The following SEPTIN6 variants were observed in gnomAD, a reference collection of about 807,000 sequenced individuals.
The protein encoded by SEPTIN6 is septin-6.
A neutral mutation model predicts 33.6 loss-of-function variants in SEPTIN6; 8 were observed. The observed-to-expected ratio is 0.24, with a 90% CI of 0.14 to 0.43. The LOEUF is 0.43. SEPTIN6 is among the 20% of genes least tolerant of loss of function. SEPTIN6 has a pLI of 1.00. For synonymous variants in SEPTIN6, 131 were observed against 140.0 expected (o/e 0.94, Z 0.45); for missense variants, 250 against 340.8 (o/e 0.73, Z 2.10).
At position 119,674,259 on chromosome X, in the gene SEPTIN6, T is replaced by C. The variant is rs376808177; in HGVS notation, c.145+1295A>G. Among the ~76,000 whole-genome samples the C allele has an allele frequency of 4.5e-5, 5 of 110,176 alleles. No individual in the cohort carries two copies. The Admixed American group carries it at 4.8e-4, about 11-fold the overall frequency. ...CGCGATCTGAGCTCACTGGAAGCTC[T>C]GCCTCCCAGGTTCACGCCATTCTCC... On this transcript the variant is annotated intron_variant, in intron 2 of 10. Coordinates refer to ENST00000394610, the MANE Select transcript of SEPTIN6 (RefSeq NM_145799.4).
chrX:119,686,568 G>A, intron 1 of SEPTIN6: 6 of 957,083 alleles, frequency 6.3e-6, no homozygotes, highest in Middle Eastern at 6.0e-4. Flanking sequence ...ACCCTCCTGA[G>A]CATGTGGCCT....
intron 2 of SEPTIN6, among the ~76,000 whole-genome samples, chrX:119,664,353 C>A (rs924082849): frequency 3.6e-5 from 4 of 111,101 alleles, no homozygotes; most frequent in Non-Finnish European, 7.5e-5. Context: ...ATAGCTATGC[C>A]TAGAAAAAAA....
intron 2 of SEPTIN6, among the ~76,000 whole-genome samples, chrX:119,665,922 A>C (rs1367597740): frequency 9.1e-6 from 1 of 110,201 alleles, no homozygotes. Context: ...TCTACTAAAA[A>C]AATACAAAAA....
intron 5 of SEPTIN6, 86 bp from the exon 6 acceptor site, chrX:119,640,874 C>T (rs9780607): frequency 0.032 from 23,040 of 712,191 alleles, 578 homozygotes; most frequent in African/African-American, 0.15. Context: ...GTCTCTGGGG[C>T]CCCAGGCCCT....
Position 119,618,241 on chromosome X carries a change from T to C in SEPTIN6, c.*1852A>G. 1.2e-6 allele frequency: 1 copy of C among 802,766 alleles called. No homozygotes were observed. Among genetic ancestry groups the C allele is most frequent in the Non-Finnish European group, 1.5e-6 (1 of 670,206 alleles). 66.2% of individuals were successfully genotyped at this position (802,766 alleles called of 1,213,427 possible). A position where few individuals can be genotyped will look rare whatever the true frequency, so the allele number is the denominator to read the frequency against. Reference sequence around the variant, plus strand: ...TGGTCTTCAAAAAAATACTCCACTGTAACTTGAATTTTCCCAAGAAACTGG... The same window carrying C: ...TGGTCTTCAAAAAAATACTCCACTGCAACTTGAATTTTCCCAAGAAACTGG... On this transcript the variant is annotated 3_prime_UTR_variant, in exon 11 of 11. Transcript: ENST00000394610.
rs745458590 is a variant in SEPTIN6 at position 119,629,421 on chromosome X, C to T, written c.1177G>A (p.Val393Met). 3 of 1,211,477 alleles carry T rather than the reference C, an allele frequency of 2.5e-6. No homozygotes were observed. Among genetic ancestry groups the T allele is most frequent in the South Asian group, 1.8e-5 (1 of 57,001 alleles). ...GTCTTTCTTTGCTTGAAAGCATTCA[C>T]TTCATCATCCAGGGATTTCTTCTTA... Reference protein sequence around the residue: ...EDKKKSLDDEVNAFKQRKTAA... With the variant: ...EDKKKSLDDEMNAFKQRKTAA... The change falls in exon 9 of 11, where the codon GTG becomes ATG. Residue 393 changes from valine (V) to methionine (M), a missense_variant. Physicochemically the swap from Val to Met is conservative, Grantham distance 21. This residue lies in a region of SEPTIN6 where 139 missense variants were observed against 227.0 expected (regional missense o/e 0.61). Coordinates refer to ENST00000394610, the MANE Select transcript of SEPTIN6 (RefSeq NM_145799.4).
At position 119,673,841 on chromosome X, in the gene SEPTIN6, CAA is replaced by C. The variant is rs774954935; in HGVS notation, c.145+1711_145+1712del. Among the ~76,000 whole-genome samples the C allele has an allele frequency of 8.8e-3, 334 of 38,124 alleles. 2 individuals are homozygous for C. Among genetic ancestry groups the C allele is most frequent in the African/African-American group, 0.033 (290 of 8,678 alleles). The allele number at this position is 38,124 out of a possible 115,157, so 33.1% of individuals were successfully genotyped here. The stretch of plus-strand genomic sequence containing the variant: ...TGGGTGACAGCACAAGACTCTGTCT[CAA>C]AAAAAAAAAAAAAAAAAAGAAAGAA... On this transcript the variant is annotated intron_variant, in intron 2 of 10. Coordinates refer to ENST00000394610, the MANE Select transcript of SEPTIN6 (RefSeq NM_145799.4).
At chrX:119,688,508 A>C (rs1488275315) in intron 1 of SEPTIN6, among the ~76,000 whole-genome samples, 2 of 110,818 alleles carry the variant, frequency 1.8e-5, no homozygotes, top group African/African-American at 6.6e-5. Context: ...GGAGTTCGAG[A>C]CCAGCCTGGC....
chrX:119,619,081 A>G lies in SEPTIN6; in HGVS notation c.*1012T>C, dbSNP rs2053708547. On this transcript the variant is annotated 3_prime_UTR_variant, in exon 11 of 11. Coordinates refer to ENST00000394610, the MANE Select transcript of SEPTIN6 (RefSeq NM_145799.4). ...CTTCTTATTGGGGGATGCATGCAAA[A>G]TGCATGTTAAAAATCATCATGACAT... is the stretch of plus-strand genomic sequence containing the variant. The G allele has an allele frequency of 1.1e-6, 1 of 916,103 alleles. No individual in the cohort carries two copies. Among genetic ancestry groups the G allele is most frequent in the East Asian group, 4.7e-5 (1 of 21,484 alleles). 75.5% of individuals were successfully genotyped at this position (916,103 alleles called of 1,213,427 possible). A position where few individuals can be genotyped will look rare whatever the true frequency, so the allele number is the denominator to read the frequency against.
At chrX:119,681,452 G>A (rs2054958260) in intron 1 of SEPTIN6, among the ~76,000 whole-genome samples, 1 of 110,988 alleles carries the variant, frequency 9.0e-6, no homozygotes, top group Non-Finnish European at 1.9e-5. Context: ...TGCTGGAATG[G>A]CCAAAGTCAC....
intron 5 of SEPTIN6, among the ~76,000 whole-genome samples, chrX:119,647,776 C>T (rs2054288094): frequency 9.2e-6 from 1 of 108,327 alleles, no homozygotes; most frequent in Non-Finnish European, 1.9e-5. Context: ...GCCTCAGCCT[C>T]CTGAGTAGCT....
At chrX:119,623,621 T>C (rs2053804586) in intron 10 of SEPTIN6, among the ~76,000 whole-genome samples, 1 of 112,302 alleles carries the variant, frequency 8.9e-6, no homozygotes, top group African/African-American at 3.2e-5. Flanking sequence ...GCAGATCACC[T>C]GAGGTCAGGA....
At chrX:119,645,739 C>T (rs1478956201) in intron 5 of SEPTIN6, among the ~76,000 whole-genome samples, 1 of 110,987 alleles carries the variant, frequency 9.0e-6, no homozygotes, top group Non-Finnish European at 1.9e-5. Flanking sequence ...ACCATGTTGG[C>T]CAGGATGGTC....
At chrX:119,667,167 G>A (rs1603346022) in intron 2 of SEPTIN6, among the ~76,000 whole-genome samples, 1 of 110,029 alleles carries the variant, frequency 9.1e-6, no homozygotes, top group African/African-American at 3.3e-5. Flanking sequence ...GGGAGTGGGG[G>A]TCCTGTTTCC....
chrX:119,623,434 TTGA>T (rs1398204387), intron 10 of SEPTIN6, among the ~76,000 whole-genome samples: 2 of 112,211 alleles, frequency 1.8e-5, no homozygotes, highest in Non-Finnish European at 3.8e-5. Context: ...TCTGTAGTAA[TTGA>T]TGAAACAAGA....
Position 119,640,168 on chromosome X carries a change from C to CT in SEPTIN6, c.787+523dup, listed in dbSNP as rs57021804. Among the ~76,000 whole-genome samples, 85 of 20,173 alleles carry CT rather than the reference C, an allele frequency of 4.2e-3. 2 individuals carry two copies. The highest frequency in any genetic ancestry group is 0.01 in the African/African-American group (43 of 4,252). 17.5% of individuals were successfully genotyped at this position (20,173 alleles called of 115,157 possible). ...CCCTCCCACCCTCCCACTATCCAGT[C>CT]TTTTTTTTTTTTTTTTTTTTTTTTG... On this transcript the variant is annotated intron_variant, in intron 6 of 10. Coordinates refer to ENST00000394610, the MANE Select transcript of SEPTIN6 (RefSeq NM_145799.4).
chrX:119,619,792 G>T lies in SEPTIN6; in HGVS notation c.*301C>A. On this transcript the variant is annotated 3_prime_UTR_variant, in exon 11 of 11. Transcript: ENST00000394610. ...CATGTCACACCTCTGGCAAAGATGT[G>T]GGGGAAGACAGGGGGGATGGCTGGG... The T allele has an allele frequency of 3.9e-6, 4 of 1,033,569 alleles. No homozygotes were observed. Among genetic ancestry groups the T allele is most frequent in the Non-Finnish European group, 5.0e-6 (4 of 806,983 alleles). 85.2% of individuals were successfully genotyped at this position (1,033,569 alleles called of 1,213,427 possible). A position where few individuals can be genotyped will look rare whatever the true frequency, so the allele number is the denominator to read the frequency against.
At chrX:119,691,754 C>CT (rs1228965542) in intron 1 of SEPTIN6, among the ~76,000 whole-genome samples, 19 of 110,856 alleles carry the variant, frequency 1.7e-4, no homozygotes, top group African/African-American at 4.3e-4. Flanking sequence ...TACCTAGAGG[C>CT]TTTTTTTTTG....
chrX:119,666,642 C>G (rs2054645886), intron 2 of SEPTIN6, among the ~76,000 whole-genome samples: 1 of 111,646 alleles, frequency 9.0e-6, no homozygotes. Context: ...GTCTGACTAA[C>G]TTGGTAAATT....
Sources: gnomAD v4.1 joint callset for allele counts (sites outside exome capture counted in the v4.1 genomes callset) on GRCh38, gnomAD v4.1.1 for gene constraint, gnomAD v4.1.1 regional missense constraint, MANE v1.5 for transcripts, NCBI Gene and HGNC (gene_info 2026-07-23, HGNC 2026-07-21) for gene names.